The following DNAH6 variants were observed in gnomAD, a reference collection of about 807,000 sequenced individuals.
DNAH6 encodes the protein axonemal beta dynein heavy chain 6.
Under a neutral mutation model 491.4 loss-of-function variants are expected in DNAH6, and 340 were observed. The ratio of observed to expected loss-of-function variants is 0.69; its 90% CI spans 0.63 to 0.76. The LOEUF is 0.76. DNAH6 is among the 30% of genes least tolerant of loss of function. DNAH6 has a pLI of 0.00. For synonymous variants in DNAH6, 1,603 were observed against 1,686.1 expected (o/e 0.95, Z 1.21); for missense variants, 4,443 against 4,972.2 (o/e 0.89, Z 3.20).
intron 45 of DNAH6, among the ~76,000 whole-genome samples, chr2:84,693,314 T>C (rs1412500644): frequency 6.6e-6 from 1 of 152,202 alleles, no homozygotes; most frequent in African/African-American, 2.4e-5. Context: ...GGTACTCTAT[T>C]TGTGAGACTT....
chr2:84,582,597 A>G (rs1272053418), intron 14 of DNAH6, among the ~76,000 whole-genome samples: 3 of 152,178 alleles, frequency 2.0e-5, no homozygotes, highest in East Asian at 3.9e-4. Flanking sequence ...GACTACAGGC[A>G]TCCGCCACTG....
At chr2:84,555,946 T>A (rs778734298) in intron 10 of DNAH6, among the ~76,000 whole-genome samples, 11 of 152,154 alleles carry the variant, frequency 7.2e-5, no homozygotes, top group Non-Finnish European at 1.6e-4. Flanking sequence ...CCTGAAATAG[T>A]CTGCTCTGAT....
Position 84,690,628 on chromosome 2 carries a change from A to G in DNAH6, c.7292+2035A>G, listed in dbSNP as rs150122478. On this transcript the variant is annotated intron_variant, in intron 45 of 76. Coordinates refer to ENST00000389394, the MANE Select transcript of DNAH6 (RefSeq NM_001370.2). ...GCTTAAAATATTATGGACGGAAATT[A>G]AAAACCATTTGTAGCATGGTGAAGA... Among the ~76,000 whole-genome samples, 1,522 of 152,358 alleles carry G rather than the reference A, an allele frequency of 1.0e-2. 10 individuals carry two copies. The highest frequency in any genetic ancestry group is 0.013 in the Non-Finnish European group (916 of 68,036).
intron 70 of DNAH6, among the ~76,000 whole-genome samples, chr2:84,800,784 A>C (rs1287869275): frequency 6.6e-6 from 1 of 152,182 alleles, no homozygotes; most frequent in African/African-American, 2.4e-5. Context: ...TCTACCATTT[A>C]TTATCATTCC....
At chr2:84,516,174 G>C (rs1270732787), upstream of DNAH6, among the ~76,000 whole-genome samples, 1 of 152,220 alleles carries the variant, frequency 6.6e-6, no homozygotes, top group Non-Finnish European at 1.5e-5. Context: ...AAGGAAAACA[G>C]AAAAGAAATT....
the DNAH6 span, among the ~76,000 whole-genome samples, chr2:84,479,524 G>T: frequency 6.6e-6 from 1 of 152,216 alleles, no homozygotes; most frequent in African/African-American, 2.4e-5. Flanking sequence ...ATCTAACAGA[G>T]ATTACCAATG....
rs1324708990 is a variant in DNAH6 at position 84,815,896 on chromosome 2, G to T, written c.12186G>T (p.Gly4062=). The change falls in exon 76 of 77, where the codon GGG becomes GGT. Residue 4062 remains glycine (G), a synonymous_variant. Coordinates refer to ENST00000389394, the MANE Select transcript of DNAH6 (RefSeq NM_001370.2). ...CTGAGGATGGTGTTCTTGTTCATGG[G>T]ATGTTCATGGATGCTTCTCGATGGG... ...PSPEDGVLVH[G]MFMDASRWDD... is the part of the protein sequence containing the mutation. 6.4e-7 allele frequency: 1 copy of T among 1,551,616 alleles called. No individual in the cohort carries two copies. The highest frequency in any genetic ancestry group is 1.2e-5 in the South Asian group (1 of 84,038).
At chr2:84,557,085 C>G (rs1310307416) in intron 10 of DNAH6, among the ~76,000 whole-genome samples, 1 of 152,186 alleles carries the variant, frequency 6.6e-6, no homozygotes. Context: ...GATTACTACT[C>G]AAAGAATATA....
At chr2:84,596,103 G>T (rs72941036) in intron 18 of DNAH6, among the ~76,000 whole-genome samples, 6,150 of 152,144 alleles carry the variant, frequency 0.04, 403 homozygotes, top group African/African-American at 0.14. Context: ...GCCAGATGAG[G>T]CTGGGGTAGA....
chr2:84,691,421 G>A (rs1694836116), intron 45 of DNAH6, among the ~76,000 whole-genome samples: 1 of 152,178 alleles, frequency 6.6e-6, no homozygotes, highest in South Asian at 2.1e-4. Flanking sequence ...ATGCTCGCCT[G>A]GGCAGCTGAA....
At chr2:84,585,731 C>T (rs1177259815) in intron 15 of DNAH6, among the ~76,000 whole-genome samples, 1 of 151,996 alleles carries the variant, frequency 6.6e-6, no homozygotes, top group Non-Finnish European at 1.5e-5. Context: ...CTCTGCAGGT[C>T]TCTGAACCTC....
At chr2:84,485,922 A>G in the DNAH6 span, among the ~76,000 whole-genome samples, 1 of 151,816 alleles carries the variant, frequency 6.6e-6, no homozygotes, top group African/African-American at 2.4e-5. Context: ...CCAACCTCCT[A>G]AATTGATTCC....
chr2:84,605,383 G>A, intron 19 of DNAH6, 117 bp from the exon 20 acceptor site: 1 of 672,856 alleles, frequency 1.5e-6, no homozygotes, highest in Non-Finnish European at 2.4e-6. Context: ...ATTTTAGAGA[G>A]CAATAAGGAG....
chr2:84,812,613 A>AT, intron 73 of DNAH6, 87 bp downstream of exon 73: 1 of 1,065,396 alleles, frequency 9.4e-7, no homozygotes, highest in Non-Finnish European at 1.4e-6. Context: ...AAAGATATCC[A>AT]CAGTCACTGA....
Position 84,747,919 on chromosome 2 carries a change from C to G in DNAH6, c.10512+2670C>G, listed in dbSNP as rs570091423. Among the ~76,000 whole-genome samples, 15 of 152,282 alleles carry G rather than the reference C, an allele frequency of 9.9e-5. No homozygotes were observed. In the South Asian group the frequency reaches 2.9e-3, roughly 29 times the overall value. ...GGATTTTGCCCTCCAGAATAGCAGCCCAAGCTGTACCTGGAGCCCTCTGAG... is the reference window on the plus strand; with the variant it reads ...GGATTTTGCCCTCCAGAATAGCAGCGCAAGCTGTACCTGGAGCCCTCTGAG... On this transcript the variant is annotated intron_variant, in intron 63 of 76. Coordinates refer to ENST00000389394, the MANE Select transcript of DNAH6 (RefSeq NM_001370.2).
At chr2:84,611,499 G>A (rs1686329098) in intron 21 of DNAH6, among the ~76,000 whole-genome samples, 175 bp from the exon 22 acceptor site, 1 of 152,098 alleles carries the variant, frequency 6.6e-6, no homozygotes, top group South Asian at 2.1e-4. Flanking sequence ...GATGAAATCA[G>A]ACTAAGGTGA....
At chr2:84,542,438 C>G (rs1678346899) in intron 4 of DNAH6, among the ~76,000 whole-genome samples, 1 of 152,128 alleles carries the variant, frequency 6.6e-6, no homozygotes, top group African/African-American at 2.4e-5. Context: ...TTTTTCCAGA[C>G]ATTTCTGGGG....
At chr2:84,598,177 T>TTCTTTCTC (rs1423135800) in intron 18 of DNAH6, among the ~76,000 whole-genome samples, 58 of 75,556 alleles carry the variant, frequency 7.7e-4, no homozygotes, top group Non-Finnish European at 4.4e-4. Flanking sequence ...CTTTCTTTCT[T>TTCTTTCTC]TCTCTCTTTC....
intron 63 of DNAH6, among the ~76,000 whole-genome samples, chr2:84,754,165 C>T (rs991294241): frequency 6.6e-6 from 1 of 150,666 alleles, no homozygotes; most frequent in African/African-American, 2.4e-5. Flanking sequence ...AAGTAAGAGT[C>T]CAACATTCTT....
Sources: gnomAD v4.1 joint callset for allele counts (sites outside exome capture counted in the v4.1 genomes callset) on GRCh38, gnomAD v4.1.1 for gene constraint, MANE v1.5 for transcripts, NCBI Gene and HGNC (gene_info 2026-07-23, HGNC 2026-07-21) for gene names.